ZFAT: variants seen among roughly 807,000 people sequenced by gnomAD.
ZFAT encodes zinc finger protein ZFAT.
A neutral mutation model predicts 117.7 loss-of-function variants in ZFAT; 64 were observed. The ratio of observed to expected loss-of-function variants is 0.54; its 90% CI spans 0.44 to 0.67. The LOEUF (loss-of-function observed/expected upper bound fraction) is 0.67. ZFAT is among the 30% of genes least tolerant of loss of function. The pLI, the probability that ZFAT is intolerant of heterozygous loss-of-function variation, is 0.00. For synonymous variants in ZFAT, 679 were observed against 615.0 expected, an observed-to-expected ratio of 1.10 and a Z score of -1.54; for missense variants, 1,433 against 1,584.5, an observed-to-expected ratio of 0.90 and a Z score of 1.62.
intron 1 of ZFAT, among the ~76,000 whole-genome samples, chr8:134,668,352 C>A (rs1271868963): frequency 6.6e-6 from 1 of 152,226 alleles, no homozygotes; most frequent in Non-Finnish European, 1.5e-5. Context: ...GAGGCACCCC[C>A]AAGTAGGGGC....
the ZFAT span, among the ~76,000 whole-genome samples, chr8:134,822,422 T>C: frequency 6.6e-5 from 10 of 152,224 alleles, no homozygotes; most frequent in South Asian, 1.9e-3. Flanking sequence ...TCATAAGTAA[T>C]AAAGATAAGT....
intron 9 of ZFAT, among the ~76,000 whole-genome samples, chr8:134,587,670 C>T (rs1282235435): frequency 1.3e-5 from 2 of 152,158 alleles, no homozygotes; most frequent in African/African-American, 4.8e-5. Context: ...ATCTTCACTT[C>T]CAACTTCCCA....
chr8:134,536,276 C>G (rs1821831853), intron 11 of ZFAT, among the ~76,000 whole-genome samples: 1 of 152,214 alleles, frequency 6.6e-6, no homozygotes, highest in Middle Eastern at 3.2e-3. Context: ...GAAAGACTTT[C>G]TTCTGTAGCC....
chr8:134,512,535 C>T lies in ZFAT; in HGVS notation c.3301G>A (p.Val1101Ile), dbSNP rs757186542. ...YLHITEAEED[V>I]QGTQAAVAAL... ...GCCACCGCTGCCTGTGTCCCTTGAACGTCTTCTTCGGCCTCTGTGATGTGG... is the reference window on the plus strand; with the variant it reads ...GCCACCGCTGCCTGTGTCCCTTGAATGTCTTCTTCGGCCTCTGTGATGTGG... Residue 1101 changes from valine (V) to isoleucine (I), a missense_variant, in exon 14 of 16, where the codon GTT (valine) becomes ATT (isoleucine). Physicochemically the swap from Val to Ile is conservative, Grantham distance 29. Transcript: ENST00000377838. 3.6e-5 allele frequency: 58 copies of T among 1,613,878 alleles called. No individual in the cohort carries two copies. The highest frequency in any genetic ancestry group is 4.4e-5 in the Non-Finnish European group (52 of 1,179,890).
chr8:134,820,653 A>G, the ZFAT span, among the ~76,000 whole-genome samples: 2 of 152,222 alleles, frequency 1.3e-5, no homozygotes, highest in African/African-American at 2.4e-5. Context: ...AGGATGAAAA[A>G]TATCTGCTCA....
chr8:134,633,192 G>T (rs567552548), intron 3 of ZFAT, among the ~76,000 whole-genome samples: 38 of 128,166 alleles, frequency 3.0e-4, no homozygotes, highest in African/African-American at 9.5e-4. Flanking sequence ...GCGAACTGCT[G>T]AAACTATCTG....
Position 134,629,402 on chromosome 8 carries a change from C to T in ZFAT, c.448+8059G>A, listed in dbSNP as rs183003791. On this transcript the variant is annotated intron_variant, in intron 3 of 15. Transcript: ENST00000377838. Reference sequence around the variant, plus strand: ...CGGTCACCAAGCATTTCCAGGGCTCCCCTACCCCGAGAATAGGGCAGAACT... The same window carrying T: ...CGGTCACCAAGCATTTCCAGGGCTCTCCTACCCCGAGAATAGGGCAGAACT... 1.7e-3 allele frequency among the ~76,000 whole-genome samples: 264 copies of T among 152,090 alleles called. 1 individual carries two copies. Among genetic ancestry groups the T allele is most frequent in the Middle Eastern group, 3.4e-3 (1 of 292 alleles).
chr8:134,819,578 C>T, the ZFAT span, among the ~76,000 whole-genome samples: 1 of 144,420 alleles, frequency 6.9e-6, no homozygotes, highest in Non-Finnish European at 1.5e-5. Flanking sequence ...TTTGCTCCCG[C>T]TCCTCCAATA....
chr8:134,601,072 G>T (rs1827405529), intron 6 of ZFAT, among the ~76,000 whole-genome samples: 1 of 152,162 alleles, frequency 6.6e-6, no homozygotes, highest in African/African-American at 2.4e-5. Context: ...CTTTCATTGT[G>T]AGTTGCAGGG....
chr8:134,521,085 C>G, intron 12 of ZFAT, 84 bp from the exon 13 acceptor site: 1 of 935,404 alleles, frequency 1.1e-6, no homozygotes, highest in Non-Finnish European at 1.6e-6. Context: ...TCAAATGCTT[C>G]AAATCTAGTA....
intron 13 of ZFAT, among the ~76,000 whole-genome samples, chr8:134,513,988 G>A (rs1406654111): frequency 6.6e-6 from 1 of 152,244 alleles, no homozygotes; most frequent in Non-Finnish European, 1.5e-5. Context: ...GGCAATGCCT[G>A]AGCCCGTGAA....
At chr8:134,623,044 C>A (rs187340212) in intron 3 of ZFAT, among the ~76,000 whole-genome samples, 83 of 152,292 alleles carry the variant, frequency 5.5e-4, no homozygotes, top group African/African-American at 1.9e-3. Flanking sequence ...TGTTGGTACC[C>A]TGATGGCTCC....
chr8:134,575,212 G>A (rs1825209788), intron 10 of ZFAT, among the ~76,000 whole-genome samples: 1 of 152,108 alleles, frequency 6.6e-6, no homozygotes, highest in Non-Finnish European at 1.5e-5. Context: ...ACCTATACAT[G>A]CTATCATATA....
chr8:134,629,317 G>C (rs1199123203), intron 3 of ZFAT, among the ~76,000 whole-genome samples: 2 of 152,092 alleles, frequency 1.3e-5, no homozygotes. Context: ...CAAGACATGA[G>C]AACACAGCTG....
chr8:134,638,417 G>A (rs369185694), intron 2 of ZFAT, among the ~76,000 whole-genome samples: 4 of 152,100 alleles, frequency 2.6e-5, no homozygotes, highest in African/African-American at 7.2e-5. Context: ...TAAGAGGGGT[G>A]AGCGGGGGCC....
At chr8:134,616,952 C>T (rs1327713089) in intron 3 of ZFAT, among the ~76,000 whole-genome samples, 2 of 152,162 alleles carry the variant, frequency 1.3e-5, no homozygotes, top group Non-Finnish European at 2.9e-5. Context: ...AACACAATTA[C>T]GGGGAAAACC....
At chr8:134,632,614 T>C (rs2131076871) in intron 3 of ZFAT, among the ~76,000 whole-genome samples, 1 of 152,234 alleles carries the variant, frequency 6.6e-6, no homozygotes, top group East Asian at 1.9e-4. Flanking sequence ...ATGAGGTAAA[T>C]TTTGTAAACT....
At chr8:134,615,311 C>A (rs1330026086) in intron 3 of ZFAT, among the ~76,000 whole-genome samples, 2 of 152,118 alleles carry the variant, frequency 1.3e-5, no homozygotes, top group Non-Finnish European at 2.9e-5. Context: ...CTCAGCCTCC[C>A]AAGTAGCTAG....
At chr8:134,821,682 A>G in the ZFAT span, among the ~76,000 whole-genome samples, 1 of 152,208 alleles carries the variant, frequency 6.6e-6, no homozygotes, top group Non-Finnish European at 1.5e-5. Flanking sequence ...TAGATTTCCA[A>G]GAACGAGTAA....
Sources: gnomAD v4.1 joint callset for allele counts (sites outside exome capture counted in the v4.1 genomes callset) on GRCh38, gnomAD v4.1.1 for gene constraint, MANE v1.5 for transcripts, NCBI Gene and HGNC (gene_info 2026-07-23, HGNC 2026-07-21) for gene names.